SHROOM3: variants seen among roughly 807,000 people sequenced by gnomAD.
SHROOM3 encodes the protein shroom family member 3.
In SHROOM3, 47 loss-of-function variants were observed where a neutral mutation model predicts 138.6. That is an observed-to-expected ratio of 0.34 (90% CI 0.27 to 0.43). SHROOM3 has a LOEUF of 0.43. SHROOM3 is among the 20% of genes least tolerant of loss of function. SHROOM3 has a pLI of 1.00. For missense variants in SHROOM3, 2,491 were observed against 2,596.5 expected (o/e 0.96, Z 0.88); for synonymous variants, 1,062 against 1,063.3 (o/e 1.00, Z 0.02).
rs1560615531 is a variant in SHROOM3 at position 76,754,432 on chromosome 4, C to A, written c.3949C>A (p.Pro1317Thr). 2 of 1,614,034 alleles carry A rather than the reference C, an allele frequency of 1.2e-6. No homozygotes were observed. Among genetic ancestry groups the A allele is most frequent in the African/African-American group, 2.7e-5 (2 of 74,904 alleles). Residue 1317 changes from proline to threonine, a missense_variant, in exon 7 of 11, where the codon CCT (proline) becomes ACT (threonine). This residue lies in a region of SHROOM3 where 1,733 missense variants were observed against 1,661.6 expected (regional missense o/e 1.04). Coordinates refer to ENST00000296043, the MANE Select transcript of SHROOM3 (RefSeq NM_020859.4). ...TGATTCCTCCGTTCCTAGTGAATGT[C>A]CTGGAACCCTGGACCATCAGAGGCA... The part of the protein sequence containing the change: ...IGDSSVPSEC[P>T]GTLDHQRQAS...
intron 2 of SHROOM3, among the ~76,000 whole-genome samples, chr4:76,656,103 G>T (rs1243179515): frequency 1.3e-5 from 2 of 152,184 alleles, no homozygotes; most frequent in African/African-American, 4.8e-5. Flanking sequence ...GGCGCCAGGA[G>T]AGCTGGCAGG....
chr4:76,654,895 A>C (rs1736034269), intron 2 of SHROOM3, among the ~76,000 whole-genome samples: 1 of 152,204 alleles, frequency 6.6e-6, no homozygotes, highest in Non-Finnish European at 1.5e-5. Context: ...GCTTAGCCCA[A>C]AGTCACACAG....
chr4:76,549,986 G>T (rs964329342), intron 1 of SHROOM3, among the ~76,000 whole-genome samples: 3 of 152,116 alleles, frequency 2.0e-5, no homozygotes, highest in East Asian at 1.9e-4. Flanking sequence ...ACTTCCCAGG[G>T]CTCCTTTGAC....
chr4:76,569,940 C>T (rs192118708), intron 2 of SHROOM3, among the ~76,000 whole-genome samples: 51 of 152,156 alleles, frequency 3.4e-4, no homozygotes, highest in Non-Finnish European at 5.9e-4. Context: ...CTCATTGGCC[C>T]ATGTAAGAGA....
chr4:76,507,016 C>T (rs1390535731), intron 1 of SHROOM3, among the ~76,000 whole-genome samples: 1 of 152,198 alleles, frequency 6.6e-6, no homozygotes, highest in East Asian at 1.9e-4. Flanking sequence ...AAAACGGAAC[C>T]TTGTTTCACA....
At position 76,782,916 on chromosome 4, in the gene SHROOM3, A is replaced by T. The variant is rs1056115790; in HGVS notation, c.*3739A>T. On this transcript the variant is annotated 3_prime_UTR_variant, in exon 11 of 11. Coordinates refer to ENST00000296043, the MANE Select transcript of SHROOM3 (RefSeq NM_020859.4). Reference sequence around the variant, plus strand: ...GTTGTCTTATTAATTTTTAAATAAAACTTCACATTTCTTAATGGGGAGCTC... The same window carrying T: ...GTTGTCTTATTAATTTTTAAATAAATCTTCACATTTCTTAATGGGGAGCTC... The T allele has an allele frequency of 2.6e-5, 4 of 152,236 alleles. No homozygotes were observed. Among genetic ancestry groups the T allele is most frequent in the Non-Finnish European group, 5.9e-5 (4 of 68,038 alleles). The allele number at this position is 152,236 out of a possible 1,614,324, so 9.4% of individuals were successfully genotyped here.
intron 2 of SHROOM3, among the ~76,000 whole-genome samples, chr4:76,634,403 A>T (rs1205063040): frequency 6.6e-6 from 1 of 152,204 alleles, no homozygotes; most frequent in East Asian, 1.9e-4. Flanking sequence ...AACATAGAAC[A>T]CAGCCAACAG....
chr4:76,769,425 C>CA (rs1267160626), intron 9 of SHROOM3, among the ~76,000 whole-genome samples: 1 of 151,470 alleles, frequency 6.6e-6, no homozygotes, highest in Non-Finnish European at 1.5e-5. Context: ...AGACTAATTA[C>CA]AAAAACCGTG....
intron 5 of SHROOM3, among the ~76,000 whole-genome samples, chr4:76,743,722 A>G (rs1300229387): frequency 6.6e-6 from 1 of 152,180 alleles, no homozygotes; most frequent in Non-Finnish European, 1.5e-5. Context: ...TTAGAATTGT[A>G]CAGAAATATT....
At chr4:76,576,391 C>T (rs953904680) in intron 2 of SHROOM3, among the ~76,000 whole-genome samples, 9 of 152,044 alleles carry the variant, frequency 5.9e-5, no homozygotes, top group African/African-American at 2.2e-4. Flanking sequence ...GTGAATTGAG[C>T]CAGGCACAGA....
rs964462544 is a variant in SHROOM3 at position 76,781,126 on chromosome 4, A to T, written c.*1949A>T. 1 of 152,086 alleles carries T rather than the reference A, an allele frequency of 6.6e-6. No homozygotes were observed. The highest frequency in any genetic ancestry group is 2.4e-5 in the African/African-American group (1 of 41,414). 9.4% of individuals were successfully genotyped at this position (152,086 alleles called of 1,614,324 possible). A position where few individuals can be genotyped will look rare whatever the true frequency, so the allele number is the denominator to read the frequency against. On this transcript the variant is annotated 3_prime_UTR_variant, in exon 11 of 11. Coordinates refer to ENST00000296043, the MANE Select transcript of SHROOM3 (RefSeq NM_020859.4). ...TTTACATATTCAGTCTTTCTCAAAAATTTTTATTTATTTTCTTGAGAAAGG... is the reference window on the plus strand; with the variant it reads ...TTTACATATTCAGTCTTTCTCAAAATTTTTTATTTATTTTCTTGAGAAAGG...
intron 5 of SHROOM3, among the ~76,000 whole-genome samples, chr4:76,748,201 C>A (rs183160329): frequency 1.3e-5 from 2 of 152,004 alleles, no homozygotes; most frequent in African/African-American, 4.8e-5. Context: ...CAATGAGGAA[C>A]GGGGTGAAGA....
chr4:76,705,015 A>T (rs1720009019), intron 2 of SHROOM3, among the ~76,000 whole-genome samples: 1 of 152,192 alleles, frequency 6.6e-6, no homozygotes, highest in Non-Finnish European at 1.5e-5. Flanking sequence ...ACCTGGAGAG[A>T]CCATGCCTAA....
chr4:76,633,160 C>T (rs1025666638), intron 2 of SHROOM3, among the ~76,000 whole-genome samples: 6 of 151,432 alleles, frequency 4.0e-5, no homozygotes, highest in African/African-American at 1.2e-4. Context: ...CTCTTGAGGC[C>T]AGGAGTTTGA....
intron 1 of SHROOM3, among the ~76,000 whole-genome samples, chr4:76,496,612 A>G (rs552334588): frequency 2.0e-5 from 3 of 152,190 alleles, no homozygotes; most frequent in South Asian, 2.1e-4. Context: ...TCATCCTCCT[A>G]TGTATTTCGA....
At chr4:76,550,382 T>C (rs915572842) in intron 1 of SHROOM3, among the ~76,000 whole-genome samples, 2 of 152,176 alleles carry the variant, frequency 1.3e-5, no homozygotes, top group Non-Finnish European at 2.9e-5. Context: ...CAGAAATACC[T>C]ATGACAAAGG....
intron 10 of SHROOM3, among the ~76,000 whole-genome samples, chr4:76,778,098 G>A (rs560049037): frequency 6.6e-6 from 1 of 152,272 alleles, no homozygotes; most frequent in South Asian, 2.1e-4. Flanking sequence ...TTTTATTCAA[G>A]AGGTGGAAGA....
At chr4:76,492,795 G>A in intron 1 of SHROOM3, among the ~76,000 whole-genome samples, 1 of 152,086 alleles carries the variant, frequency 6.6e-6, no homozygotes, top group East Asian at 1.9e-4. Context: ...TATTGGGCTG[G>A]GGGTCTTCCC....
intron 2 of SHROOM3, among the ~76,000 whole-genome samples, chr4:76,616,790 A>T (rs1286117202): frequency 6.6e-6 from 1 of 152,198 alleles, no homozygotes; most frequent in Non-Finnish European, 1.5e-5. Context: ...ACTTAACACT[A>T]TGAACTGTTC....
Sources: allele counts gnomAD v4.1 joint callset (sites outside exome capture counted in the v4.1 genomes callset), GRCh38; gene constraint gnomAD v4.1.1; regional missense constraint gnomAD v4.1.1; transcripts MANE v1.5; gene names NCBI Gene and HGNC (gene_info 2026-07-23, HGNC 2026-07-21).